PRPF18: variants seen among roughly 807,000 people sequenced by gnomAD.
The protein encoded by PRPF18 is pre-mRNA-splicing factor 18.
In PRPF18, 38 loss-of-function variants were observed where a neutral mutation model predicts 46.5. The ratio of observed to expected loss-of-function variants is 0.82; its 90% confidence interval spans 0.63 to 1.07. The LOEUF is 1.07. Ranked by LOEUF, PRPF18 falls within the 50% of genes least tolerant of loss-of-function variation. PRPF18 has a pLI of 0.00. For synonymous variants in PRPF18, 152 were observed against 146.7 expected (o/e 1.04, Z -0.26); for missense variants, 263 against 410.0 (o/e 0.64, Z 3.10).
At chr10:13,643,522 C>T in the PRPF18 span, 2 of 152,428 alleles carry the variant, frequency 1.3e-5, no homozygotes, top group Non-Finnish European at 2.9e-5. Context: ...AGGGAATTCA[C>T]CTCAGCTGAA....
At chr10:13,588,839 C>G (rs1160470286) in intron 1 of PRPF18, among the ~76,000 whole-genome samples, 1 of 152,136 alleles carries the variant, frequency 6.6e-6, no homozygotes, top group East Asian at 1.9e-4. Flanking sequence ...AGCTTTTGGT[C>G]TCAGGACCCC....
In PRPF18 at chr10:13,608,614, C is replaced by T. The variant is rs576048986; in HGVS notation, c.364-1425C>T. On this transcript the variant is annotated intron_variant, in intron 4 of 9. Coordinates refer to ENST00000378572, the MANE Select transcript of PRPF18 (RefSeq NM_003675.4). ...GCAATTCAGTGACCACATCTTCTCT[C>T]GGAATCTATTTTTGGTCCCAGTCAG... 3.3e-5 allele frequency among the ~76,000 whole-genome samples: 5 copies of T among 152,330 alleles called. No homozygotes were observed. In the East Asian group the frequency reaches 7.7e-4, roughly 23 times the overall value.
chr10:13,590,452 A>AATATAT, intron 1 of PRPF18, among the ~76,000 whole-genome samples: 1 of 140,506 alleles, frequency 7.1e-6, no homozygotes, highest in Non-Finnish European at 1.5e-5. Flanking sequence ...AAAAAAAAAA[A>AATATAT]ATATATATAT....
chr10:13,623,856 CTGTATCTGATATT>C (rs1434849625), intron 9 of PRPF18, among the ~76,000 whole-genome samples: 1 of 152,226 alleles, frequency 6.6e-6, no homozygotes, highest in Admixed American at 6.5e-5. Flanking sequence ...CAAACTATAT[CTGTATCTGATATT>C]TGTATATCAT....
At chr10:13,655,884 C>T in the PRPF18 span, 24 of 152,216 alleles carry the variant, frequency 1.6e-4, no homozygotes, top group African/African-American at 5.8e-4. Flanking sequence ...GAGGCAACTG[C>T]TCAATGTTGG....
intron 8 of PRPF18, among the ~76,000 whole-genome samples, chr10:13,614,723 G>A (rs1478198466): frequency 1.3e-5 from 2 of 152,190 alleles, no homozygotes; most frequent in East Asian, 3.9e-4. Flanking sequence ...GGCTCCCTGA[G>A]ATAGAGTTTA....
At chr10:13,619,504 C>A (rs527660505) in intron 9 of PRPF18, among the ~76,000 whole-genome samples, 27 of 152,210 alleles carry the variant, frequency 1.8e-4, no homozygotes, top group Non-Finnish European at 2.9e-5. Flanking sequence ...CCAGAGTCCT[C>A]TCATTCTTTT....
intron 1 of PRPF18, among the ~76,000 whole-genome samples, chr10:13,594,433 C>G (rs1169793465): frequency 6.6e-6 from 1 of 152,148 alleles, no homozygotes; most frequent in Non-Finnish European, 1.5e-5. Flanking sequence ...TACACCAAAA[C>G]TAGACAATTG....
At chr10:13,592,375 C>G (rs761872085) in intron 1 of PRPF18, 1 of 263,172 alleles carries the variant, frequency 3.8e-6, no homozygotes, top group Non-Finnish European at 7.3e-6. Flanking sequence ...TTAGAAAACA[C>G]GGGTCAGGGA....
chr10:13,596,968 G>T (rs184047688), intron 1 of PRPF18, among the ~76,000 whole-genome samples: 3 of 152,226 alleles, frequency 2.0e-5, no homozygotes, highest in South Asian at 4.2e-4. Context: ...AGAACTGATT[G>T]ATATAATAAG....
At chr10:13,612,259 A>G (rs994017812) in intron 6 of PRPF18, among the ~76,000 whole-genome samples, 9 of 151,998 alleles carry the variant, frequency 5.9e-5, no homozygotes, top group African/African-American at 2.2e-4. Flanking sequence ...CAGAATTAAT[A>G]AGAAGTTGGT....
chr10:13,616,493 G>C lies in PRPF18; in HGVS notation c.888G>C (p.Lys296Asn). 6.2e-7 allele frequency: 1 copy of C among 1,614,070 alleles called. No individual in the cohort carries two copies. The highest frequency in any genetic ancestry group is 8.5e-7 in the Non-Finnish European group (1 of 1,179,970). The change falls in exon 9 of 10, where the codon AAG becomes AAC. Residue 296 changes from lysine (K) to asparagine (N), a missense_variant. Coordinates refer to ENST00000378572, the MANE Select transcript of PRPF18 (RefSeq NM_003675.4). ...VGIHARTGRE[K>N]IFSKHVAHVL... ...TCCATGCCAGAACTGGCAGAGAAAAGATTTTTTCCAAGCATGTTGCACATG... is the reference window on the plus strand; with the variant it reads ...TCCATGCCAGAACTGGCAGAGAAAACATTTTTTCCAAGCATGTTGCACATG...
At position 13,600,262 on chromosome 10, in the gene PRPF18, G is replaced by A. The variant is rs768602613; in HGVS notation, c.163G>A (p.Asp55Asn). The change falls in exon 3 of 10, where the codon GAC (aspartate) becomes AAC (asparagine). Residue 55 changes from aspartate (D) to asparagine (N), a missense_variant. This residue lies in a region of PRPF18 where 71 missense variants were observed against 69.2 expected (regional missense o/e 1.03). Transcript: ENST00000378572. ...AATATAGATACAGCCAAAAGAGGAG[G>A]ACCAGAAACCATTAACTTCATCGAA... Reference protein sequence around the residue: ...CGYKIQPKEEDQKPLTSSNPV... With the variant: ...CGYKIQPKEENQKPLTSSNPV... 2.5e-6 allele frequency: 4 copies of A among 1,610,136 alleles called. No individual in the cohort carries two copies. In the South Asian group the frequency reaches 4.4e-5, roughly 18 times the overall value.
Position 13,613,843 on chromosome 10 carries a change from T to A in PRPF18, c.682T>A (p.Ser228Thr). 6.2e-7 allele frequency: 1 copy of A among 1,613,700 alleles called. No individual in the cohort carries two copies. The highest frequency in any genetic ancestry group is 8.5e-7 in the Non-Finnish European group (1 of 1,179,906). ...LNSATQKQTE[S>T]YLRPLFRKLR... Reference sequence around the variant, plus strand: ...CAGTGCGACCCAGAAACAGACCGAGTCCTACCTAAGACCACTTTTTAGAAA... The same window carrying A: ...CAGTGCGACCCAGAAACAGACCGAGACCTACCTAAGACCACTTTTTAGAAA... Residue 228 changes from serine (S) to threonine (T), a missense_variant, in exon 7 of 10, where the codon TCC becomes ACC. Ser to Thr is a moderately conservative substitution (Grantham distance 58). This residue lies in a region of PRPF18 where 155 missense variants were observed against 245.1 expected (regional missense o/e 0.63). Coordinates refer to ENST00000378572, the MANE Select transcript of PRPF18 (RefSeq NM_003675.4).
chr10:13,600,374 G>A (rs1247302169), intron 3 of PRPF18, 26 bp downstream of exon 3: 5 of 1,525,822 alleles, frequency 3.3e-6, no homozygotes, highest in Non-Finnish European at 4.5e-6. Flanking sequence ...ATGGTTTCAT[G>A]AGAATAAGAT....
chr10:13,617,199 A>T (rs557385752), intron 9 of PRPF18, among the ~76,000 whole-genome samples: 23 of 152,340 alleles, frequency 1.5e-4, no homozygotes, highest in Admixed American at 3.3e-4. Flanking sequence ...CTGTAAAATG[A>T]CTTGCTGGAT....
the PRPF18 span, chr10:13,646,851 C>T: frequency 9.7e-6 from 2 of 205,274 alleles, no homozygotes; most frequent in African/African-American, 2.4e-5. Context: ...TGCAGGGTGA[C>T]GGTGCGTCTG....
In PRPF18 at chr10:13,622,196, C is replaced by T. The variant is rs113566920; in HGVS notation, c.948+5643C>T. Among the ~76,000 whole-genome samples the T allele has an allele frequency of 3.5e-5, 5 of 143,968 alleles. 1 individual carries two copies. Among genetic ancestry groups the T allele is most frequent in the African/African-American group, 1.3e-4 (5 of 39,176 alleles). The allele number at this position is 143,968 out of a possible 152,430, so 94.4% of individuals were successfully genotyped here. A position where few individuals can be genotyped will look rare whatever the true frequency, so the allele number is the denominator to read the frequency against. ...AAGGCAAGTTGTTGCATGATGACAG[C>T]TGTCTACCCCCTTAATCTTCCTGGC... On this transcript the variant is annotated intron_variant, in intron 9 of 9. Transcript: ENST00000378572.
chr10:13,611,784 C>T, intron 6 of PRPF18, 101 bp downstream of exon 6: 1 of 948,320 alleles, frequency 1.1e-6, no homozygotes, highest in Non-Finnish European at 1.6e-6. Context: ...GGGAAAGCCT[C>T]AATACACATT....
Sources: allele counts gnomAD v4.1 joint callset (sites outside exome capture counted in the v4.1 genomes callset), GRCh38; gene constraint gnomAD v4.1.1; regional missense constraint gnomAD v4.1.1; transcripts MANE v1.5; gene names NCBI Gene and HGNC (gene_info 2026-07-23, HGNC 2026-07-21).